USP25: variants seen among roughly 807,000 people sequenced by gnomAD.
USP25 encodes the protein ubiquitin carboxyl-terminal hydrolase 25.
In USP25, 85 loss-of-function variants were observed where a neutral mutation model predicts 158.5. That is an observed-to-expected ratio of 0.54 (90% confidence interval 0.45 to 0.64). The LOEUF (loss-of-function observed/expected upper bound fraction) is 0.64, where lower values mean the gene tolerates loss of function less well. Ranked by LOEUF, USP25 falls within the 30% of genes least tolerant of loss-of-function variation. USP25 has a pLI of 0.00. For missense variants in USP25, 1,242 were observed against 1,327.3 expected (o/e 0.94, Z 1.00); for synonymous variants, 464 against 460.4 (o/e 1.01, Z -0.10).
At chr21:15,876,961 T>G (rs2040123091) in intron 24 of USP25, 1 of 152,234 alleles carries the variant, frequency 6.6e-6, no homozygotes, top group Admixed American at 6.5e-5. Context: ...TGTATTTATC[T>G]CTTATGTTTC....
intron 8 of USP25, among the ~76,000 whole-genome samples, chr21:15,810,074 A>G (rs1027092614): frequency 3.9e-5 from 6 of 152,178 alleles, no homozygotes; most frequent in Non-Finnish European, 5.9e-5. Context: ...TTGGTTGCAC[A>G]ACAGTGTGAA....
chr21:15,846,173 T>TTC (rs2038605139), intron 18 of USP25, among the ~76,000 whole-genome samples: 1 of 126,718 alleles, frequency 7.9e-6, no homozygotes, highest in South Asian at 2.8e-4. Context: ...TTTTTTTTTT[T>TTC]TTTTTTTGAG....
chr21:15,770,658 C>T (rs2034299634), intron 3 of USP25, among the ~76,000 whole-genome samples: 1 of 152,092 alleles, frequency 6.6e-6, no homozygotes, highest in Non-Finnish European at 1.5e-5. Flanking sequence ...ATATAGTTGC[C>T]ACTAGTCACA....
intron 20 of USP25, 28 bp from the exon 21 acceptor site, chr21:15,864,240 A>C: frequency 6.3e-7 from 1 of 1,588,032 alleles, no homozygotes; most frequent in Non-Finnish European, 8.5e-7. Flanking sequence ...TAATTAACCA[A>C]AATTATCATT....
intron 20 of USP25, among the ~76,000 whole-genome samples, chr21:15,860,591 T>G (rs562022372): frequency 3.3e-5 from 5 of 152,292 alleles, no homozygotes; most frequent in Non-Finnish European, 7.4e-5. Context: ...TTGGAAGATA[T>G]CTCTATTTAT....
chr21:15,823,911 G>A, intron 10 of USP25, 128 bp from the exon 11 acceptor site: 1 of 907,948 alleles, frequency 1.1e-6, no homozygotes. Context: ...TGTGTACCCA[G>A]TTACTTGTCA....
intron 5 of USP25, among the ~76,000 whole-genome samples, chr21:15,796,109 A>T (rs971853699): frequency 2.6e-5 from 4 of 151,682 alleles, no homozygotes; most frequent in South Asian, 2.1e-4. Context: ...GAATGAAAGG[A>T]TGGTTATTTT....
intron 20 of USP25, among the ~76,000 whole-genome samples, chr21:15,855,429 C>T (rs909701253): frequency 3.3e-5 from 5 of 151,952 alleles, no homozygotes; most frequent in South Asian, 2.1e-4. Context: ...TGATACTTTC[C>T]TTATTTACAT....
chr21:15,824,484 A>G (rs372780620), intron 11 of USP25, among the ~76,000 whole-genome samples: 9 of 152,090 alleles, frequency 5.9e-5, no homozygotes, highest in African/African-American at 1.9e-4. Context: ...TGATGTCTGT[A>G]CTTAATATTG....
chr21:15,782,345 A>G (rs530237454), intron 4 of USP25, among the ~76,000 whole-genome samples: 6 of 152,240 alleles, frequency 3.9e-5, no homozygotes, highest in South Asian at 2.1e-4. Context: ...CCGGGCCACA[A>G]TTTCCTGCCT....
chr21:15,761,062 T>C (rs1266562365), intron 1 of USP25, among the ~76,000 whole-genome samples: 1 of 152,214 alleles, frequency 6.6e-6, no homozygotes, highest in Non-Finnish European at 1.5e-5. Context: ...TAGACATTTT[T>C]GAAGATGATA....
chr21:15,831,332 G>T, intron 15 of USP25, 69 bp from the exon 16 acceptor site: 1 of 1,429,112 alleles, frequency 7.0e-7, no homozygotes. Context: ...GTTGTTTGTG[G>T]GTTTCATGGA....
intron 20 of USP25, among the ~76,000 whole-genome samples, chr21:15,856,372 G>T (rs1052204573): frequency 6.6e-6 from 1 of 152,048 alleles, no homozygotes; most frequent in African/African-American, 2.4e-5. Context: ...TCTATTCATT[G>T]TTTCTTGTAT....
chr21:15,803,510 T>G (rs1286512519), intron 6 of USP25, among the ~76,000 whole-genome samples: 1 of 151,852 alleles, frequency 6.6e-6, no homozygotes, highest in East Asian at 1.9e-4. Context: ...AACCATATTA[T>G]CATCTCTGTG....
chr21:15,765,883 A>T (rs1045306311), intron 2 of USP25, 114 bp from the exon 3 acceptor site: 3 of 979,536 alleles, frequency 3.1e-6, no homozygotes, highest in Non-Finnish European at 4.4e-6. Flanking sequence ...CATATAGATT[A>T]ATTGCAAATT....
intron 1 of USP25, among the ~76,000 whole-genome samples, chr21:15,738,334 CCT>C (rs1240901602): frequency 6.6e-6 from 1 of 152,074 alleles, no homozygotes; most frequent in Non-Finnish European, 1.5e-5. Flanking sequence ...TCTCTCAAAT[CCT>C]CTGTCTTTTT....
chr21:15,770,987 A>AT (rs2034318258), intron 3 of USP25, among the ~76,000 whole-genome samples: 1 of 152,186 alleles, frequency 6.6e-6, no homozygotes, highest in South Asian at 2.1e-4. Flanking sequence ...CACTTGAAAA[A>AT]ATTTTGAATA....
At chr21:15,838,782 T>C (rs1264440489) in intron 17 of USP25, among the ~76,000 whole-genome samples, 3 of 152,216 alleles carry the variant, frequency 2.0e-5, no homozygotes, top group African/African-American at 7.2e-5. Flanking sequence ...CTTATTTTTA[T>C]AGTTAAGAGC....
intron 1 of USP25, among the ~76,000 whole-genome samples, chr21:15,745,449 C>T (rs937247344): frequency 1.3e-5 from 2 of 149,952 alleles, no homozygotes; most frequent in Admixed American, 1.3e-4. Flanking sequence ...AGTACTTTAA[C>T]CATTTTCTTT....
Sources: gnomAD v4.1 joint callset for allele counts (sites outside exome capture counted in the v4.1 genomes callset) on GRCh38, gnomAD v4.1.1 for gene constraint, MANE v1.5 for transcripts, NCBI Gene and HGNC (gene_info 2026-07-23, HGNC 2026-07-21) for gene names.